KCNMB4: variants seen among roughly 807,000 people sequenced by gnomAD.
The protein encoded by KCNMB4 is calcium-activated potassium channel subunit beta-4.
In KCNMB4, 3 loss-of-function variants were observed where a neutral mutation model predicts 20.7. The ratio of observed to expected loss-of-function variants is 0.14; its 90% confidence interval spans 0.07 to 0.37. The LOEUF is 0.37. Among genes scored for constraint, KCNMB4 ranks in the 10% least tolerant of loss-of-function variants. The probability of loss-of-function intolerance (pLI) is 1.00; values close to 1 mark genes in which losing one functional copy is unlikely to be tolerated. For synonymous variants in KCNMB4, 110 were observed against 113.4 expected (o/e 0.97, Z 0.19); for missense variants, 168 against 265.9 (o/e 0.63, Z 2.56).
At chr12:70,384,026 G>A (rs1593326394) in intron 1 of KCNMB4, among the ~76,000 whole-genome samples, 1 of 152,146 alleles carries the variant, frequency 6.6e-6, no homozygotes, top group African/African-American at 2.4e-5. Context: ...CCGAGACCGT[G>A]CCACTGCATT....
intron 2 of KCNMB4, among the ~76,000 whole-genome samples, chr12:70,409,957 A>G (rs1401210680): frequency 2.0e-5 from 3 of 152,174 alleles, no homozygotes; most frequent in African/African-American, 7.2e-5. Flanking sequence ...GAGTGGTAAT[A>G]TGGTCTGCTT....
At chr12:70,378,616 A>G (rs764122285) in intron 1 of KCNMB4, among the ~76,000 whole-genome samples, 36 of 151,860 alleles carry the variant, frequency 2.4e-4, no homozygotes, top group Non-Finnish European at 4.4e-4. Context: ...GGCTCGCTTC[A>G]CCCTCTGCCT....
chr12:70,368,771 A>G (rs940451370), intron 1 of KCNMB4, among the ~76,000 whole-genome samples: 4 of 152,116 alleles, frequency 2.6e-5, no homozygotes, highest in Non-Finnish European at 4.4e-5. Flanking sequence ...ATATATATGC[A>G]CACACACATT....
At chr12:70,406,791 G>A (rs1868614768) in intron 2 of KCNMB4, among the ~76,000 whole-genome samples, 3 of 152,018 alleles carry the variant, frequency 2.0e-5, no homozygotes, top group Non-Finnish European at 2.9e-5. Flanking sequence ...CTCCTGTCAG[G>A]GCATGAATTT....
chr12:70,367,238 G>A (rs1883511697), intron 1 of KCNMB4, among the ~76,000 whole-genome samples, 168 bp downstream of exon 1: 1 of 152,062 alleles, frequency 6.6e-6, no homozygotes, highest in Admixed American at 6.5e-5. Flanking sequence ...GGAGCCCCAG[G>A]GCTCCGGTCT....
At chr12:70,384,788 C>T (rs1205904635) in intron 1 of KCNMB4, among the ~76,000 whole-genome samples, 1 of 145,872 alleles carries the variant, frequency 6.9e-6, no homozygotes, top group Non-Finnish European at 1.5e-5. Flanking sequence ...ACGGTAGGAT[C>T]GCTTGAGCCC....
In KCNMB4 at chr12:70,431,541, C is replaced by G. The variant is rs542530966; in HGVS notation, c.*888C>G. 3 of 141,578 alleles carry G rather than the reference C, an allele frequency of 2.1e-5. No homozygotes were observed. In the East Asian group the frequency reaches 6.3e-4, roughly 30 times the overall value. 8.8% of individuals were successfully genotyped at this position (141,578 alleles called of 1,614,324 possible). On this transcript the variant is annotated 3_prime_UTR_variant, in exon 3 of 3. Coordinates refer to ENST00000258111, the MANE Select transcript of KCNMB4 (RefSeq NM_014505.6). ...TTTTTTGTAGGTCAGAAAAAAACAA[C>G]AAAATCAGTTCAAGCATTTTTTTTT...
chr12:70,371,210 A>G (rs895505749), intron 1 of KCNMB4, among the ~76,000 whole-genome samples: 3 of 152,170 alleles, frequency 2.0e-5, no homozygotes, highest in African/African-American at 7.2e-5. Context: ...AATAATAAAA[A>G]CCTAGAAACA....
chr12:70,380,227 A>G (rs1883759498), intron 1 of KCNMB4, among the ~76,000 whole-genome samples: 1 of 152,176 alleles, frequency 6.6e-6, no homozygotes, highest in Non-Finnish European at 1.5e-5. Context: ...AGGTAGAGAG[A>G]CAGGGGAACA....
At chr12:70,426,246 A>G (rs1869210245) in intron 2 of KCNMB4, among the ~76,000 whole-genome samples, 1 of 151,564 alleles carries the variant, frequency 6.6e-6, no homozygotes, top group South Asian at 2.1e-4. Flanking sequence ...GTGAGCCAAG[A>G]TCGTGCCACT....
intron 1 of KCNMB4, 91 bp downstream of exon 1, chr12:70,367,161 G>C: frequency 9.7e-7 from 1 of 1,029,762 alleles, no homozygotes; most frequent in East Asian, 2.6e-5. Context: ...GGTTCGGCGT[G>C]TGCTCGCATT....
intron 1 of KCNMB4, among the ~76,000 whole-genome samples, chr12:70,391,900 C>A (rs1868302566): frequency 6.6e-6 from 1 of 152,144 alleles, no homozygotes. Flanking sequence ...TGAGGAGTGC[C>A]AACATCACAT....
chr12:70,428,549 G>A (rs192869276), intron 2 of KCNMB4, among the ~76,000 whole-genome samples: 1 of 152,246 alleles, frequency 6.6e-6, no homozygotes, highest in African/African-American at 2.4e-5. Context: ...TGCTGGGATG[G>A]GGATTTCAGA....
chr12:70,392,445 TA>T (rs1868307306), intron 1 of KCNMB4, among the ~76,000 whole-genome samples: 1 of 152,168 alleles, frequency 6.6e-6, no homozygotes, highest in African/African-American at 2.4e-5. Flanking sequence ...GAACCAGAAA[TA>T]CCATTTGACC....
chr12:70,429,678 A>G (rs1459598675), intron 2 of KCNMB4, among the ~76,000 whole-genome samples: 5 of 151,946 alleles, frequency 3.3e-5, no homozygotes, highest in South Asian at 2.1e-4. Flanking sequence ...AAAAAAAAAA[A>G]AAAAAAGAAA....
intron 2 of KCNMB4, among the ~76,000 whole-genome samples, chr12:70,408,970 A>G (rs1008923316): frequency 5.3e-5 from 8 of 151,806 alleles, no homozygotes; most frequent in African/African-American, 1.9e-4. Flanking sequence ...TCCTTTCTTC[A>G]TCTTTGCCTT....
intron 1 of KCNMB4, among the ~76,000 whole-genome samples, chr12:70,387,184 A>G (rs1346774628): frequency 6.6e-6 from 1 of 151,964 alleles, no homozygotes; most frequent in East Asian, 1.9e-4. Context: ...CTAAATAAGT[A>G]ATAAAAATGT....
intron 1 of KCNMB4, among the ~76,000 whole-genome samples, chr12:70,370,737 A>G (rs2136113597): frequency 6.7e-6 from 1 of 149,706 alleles, no homozygotes; most frequent in East Asian, 2.0e-4. Flanking sequence ...GATTCCAGAC[A>G]TTTGCATTTG....
intron 2 of KCNMB4, among the ~76,000 whole-genome samples, chr12:70,421,427 G>A (rs1869049998): frequency 8.0e-6 from 1 of 124,598 alleles, no homozygotes; most frequent in South Asian, 2.9e-4. Flanking sequence ...AGGAGGTTAA[G>A]CACTCCAGCC....
Sources: allele counts gnomAD v4.1 joint callset (sites outside exome capture counted in the v4.1 genomes callset), GRCh38; gene constraint gnomAD v4.1.1; transcripts MANE v1.5; gene names NCBI Gene and HGNC (gene_info 2026-07-23, HGNC 2026-07-21).